Variants in MCTP1 observed in about 807,000 individuals in gnomAD.
MCTP1 encodes the protein multiple C2 and transmembrane domain-containing protein 1.
Under a neutral mutation model 120.6 loss-of-function variants are expected in MCTP1, and 69 were observed. The observed-to-expected ratio is 0.57, with a 90% CI of 0.47 to 0.70. MCTP1 has a LOEUF of 0.70. Among genes scored for constraint, MCTP1 ranks in the 30% least tolerant of loss-of-function variants. The probability of loss-of-function intolerance (pLI) is 0.00; values close to 1 mark genes in which losing one functional copy is unlikely to be tolerated. For missense variants in MCTP1, 1,203 were observed against 1,248.8 expected (o/e 0.96, Z 0.55); for synonymous variants, 529 against 493.1 (o/e 1.07, Z -0.96).
At chr5:94,816,297 G>T (rs1345038046) in intron 17 of MCTP1, among the ~76,000 whole-genome samples, 1 of 152,036 alleles carries the variant, frequency 6.6e-6, no homozygotes, top group Non-Finnish European at 1.5e-5. Flanking sequence ...CATCCCATGG[G>T]AAGTGTGTAT....
chr5:95,091,196 C>T (rs1755817869), intron 1 of MCTP1, among the ~76,000 whole-genome samples: 1 of 152,134 alleles, frequency 6.6e-6, no homozygotes, highest in Non-Finnish European at 1.5e-5. Flanking sequence ...TCCAGAAACC[C>T]TCTCTTACTG....
At chr5:95,140,452 T>G (rs946240036) in intron 1 of MCTP1, among the ~76,000 whole-genome samples, 3 of 152,090 alleles carry the variant, frequency 2.0e-5, no homozygotes, top group African/African-American at 7.2e-5. Context: ...GCAGAAACTT[T>G]TAAAATAGAC....
At chr5:94,829,371 G>A (rs376052143) in intron 17 of MCTP1, among the ~76,000 whole-genome samples, 39 of 152,292 alleles carry the variant, frequency 2.6e-4, no homozygotes, top group East Asian at 9.7e-4. Context: ...TGCCTTCTGC[G>A]TTGGTCTCGC....
intron 1 of MCTP1, among the ~76,000 whole-genome samples, chr5:95,235,623 A>T (rs1009713689): frequency 6.6e-6 from 1 of 152,288 alleles, no homozygotes. Flanking sequence ...AATTTTTTTT[A>T]AAAAGTGTAT....
intron 17 of MCTP1, among the ~76,000 whole-genome samples, chr5:94,815,108 T>C (rs1202443329): frequency 6.6e-6 from 1 of 152,212 alleles, no homozygotes; most frequent in Non-Finnish European, 1.5e-5. Context: ...TTAGGTTGGT[T>C]GGGTTTGTTT....
At chr5:94,742,377 G>T (rs1028142247) in intron 19 of MCTP1, among the ~76,000 whole-genome samples, 1 of 152,120 alleles carries the variant, frequency 6.6e-6, no homozygotes, top group Non-Finnish European at 1.5e-5. Context: ...CTTTTTATCA[G>T]TTTTAAGTGT....
At chr5:95,018,673 A>G (rs527909574) in intron 1 of MCTP1, among the ~76,000 whole-genome samples, 85 of 152,088 alleles carry the variant, frequency 5.6e-4, no homozygotes, top group Non-Finnish European at 1.1e-3. Context: ...CCTTGTTTCT[A>G]TAAATGATTC....
At chr5:95,151,594 G>C (rs984164889) in intron 1 of MCTP1, among the ~76,000 whole-genome samples, 1 of 152,144 alleles carries the variant, frequency 6.6e-6, no homozygotes, top group Non-Finnish European at 1.5e-5. Flanking sequence ...TGGCCAAGGA[G>C]GACTTAAGAG....
chr5:95,126,703 C>T (rs1343921393), intron 1 of MCTP1, among the ~76,000 whole-genome samples: 4 of 152,148 alleles, frequency 2.6e-5, no homozygotes, highest in Admixed American at 2.6e-4. Flanking sequence ...TATACTACAT[C>T]TGCAAGGTAC....
At chr5:95,181,909 G>A (rs539292329) in intron 1 of MCTP1, among the ~76,000 whole-genome samples, 2 of 152,304 alleles carry the variant, frequency 1.3e-5, no homozygotes, top group East Asian at 1.9e-4. Context: ...AGCAAAGCAT[G>A]GACTTTGGAT....
chr5:95,245,910 A>G (rs1218684771), intron 1 of MCTP1, among the ~76,000 whole-genome samples: 1 of 152,230 alleles, frequency 6.6e-6, no homozygotes, highest in Non-Finnish European at 1.5e-5. Flanking sequence ...GAAGGAAAAA[A>G]TGTTAAGCGC....
chr5:94,880,644 T>C (rs916112991), intron 12 of MCTP1, among the ~76,000 whole-genome samples: 11 of 152,198 alleles, frequency 7.2e-5, no homozygotes, highest in Non-Finnish European at 1.5e-4. Flanking sequence ...TGGAAATAAA[T>C]CTTAGAGGTC....
chr5:94,830,241 G>C (rs1003871690), intron 17 of MCTP1, among the ~76,000 whole-genome samples: 1 of 152,154 alleles, frequency 6.6e-6, no homozygotes, highest in Non-Finnish European at 1.5e-5. Flanking sequence ...GTAGGAGAAA[G>C]GGTGAATGTT....
intron 7 of MCTP1, among the ~76,000 whole-genome samples, chr5:94,919,054 T>C (rs747575106): frequency 1.3e-5 from 2 of 152,184 alleles, no homozygotes; most frequent in Non-Finnish European, 2.9e-5. Flanking sequence ...TTAATTGGTA[T>C]AGGAGTTTTC....
chr5:94,737,478 A>T (rs1260980657), intron 19 of MCTP1, among the ~76,000 whole-genome samples: 1 of 152,216 alleles, frequency 6.6e-6, no homozygotes, highest in Non-Finnish European at 1.5e-5. Flanking sequence ...AATACTAAAT[A>T]GGGATGTTTC....
intron 2 of MCTP1, among the ~76,000 whole-genome samples, chr5:94,972,718 GA>G (rs1409703441): frequency 6.6e-6 from 1 of 152,098 alleles, no homozygotes; most frequent in African/African-American, 2.4e-5. Flanking sequence ...TTCTAATTAA[GA>G]AACAACTTTT....
At chr5:94,907,315 A>G (rs915175708) in intron 10 of MCTP1, among the ~76,000 whole-genome samples, 2 of 152,132 alleles carry the variant, frequency 1.3e-5, no homozygotes, top group South Asian at 2.1e-4. Flanking sequence ...GCATGTTTCT[A>G]TTGTCCATCT....
At chr5:95,238,949 T>C (rs766449935) in intron 1 of MCTP1, among the ~76,000 whole-genome samples, 3 of 152,202 alleles carry the variant, frequency 2.0e-5, no homozygotes, top group African/African-American at 4.8e-5. Flanking sequence ...GGCATCCTTT[T>C]TGATTTCAGT....
intron 1 of MCTP1, among the ~76,000 whole-genome samples, chr5:95,033,631 G>C (rs994605540): frequency 1.3e-5 from 2 of 151,912 alleles, no homozygotes; most frequent in African/African-American, 4.8e-5. Context: ...ACACTGAATG[G>C]GCACAGTTAG....
Sources: allele counts gnomAD v4.1 joint callset (sites outside exome capture counted in the v4.1 genomes callset), GRCh38; gene constraint gnomAD v4.1.1; transcripts MANE v1.5; gene names NCBI Gene and HGNC (gene_info 2026-07-23, HGNC 2026-07-21).